SLIT2: variants seen among roughly 807,000 people sequenced by gnomAD.
SLIT2 encodes the protein slit homolog 2 protein.
SLIT2 carries 41 observed loss-of-function variants against 185.7 expected under a neutral mutation model. The observed-to-expected ratio is 0.22, with a 90% CI of 0.17 to 0.29. SLIT2 has a LOEUF of 0.29. Ranked by LOEUF, SLIT2 falls within the 10% of genes least tolerant of loss-of-function variation. SLIT2 has a pLI of 1.00. For missense variants in SLIT2, 1,571 were observed against 1,909.0 expected (o/e 0.82, Z 3.30); for synonymous variants, 693 against 680.2 (o/e 1.02, Z -0.29).
intron 4 of SLIT2, among the ~76,000 whole-genome samples, chr4:20,350,982 A>G (rs573615893): frequency 6.6e-6 from 1 of 152,242 alleles, no homozygotes; most frequent in East Asian, 1.9e-4. Context: ...GCCATTGTTC[A>G]CAGTAGATCT....
At chr4:20,483,467 A>G (rs533677914) in intron 6 of SLIT2, among the ~76,000 whole-genome samples, 1 of 152,206 alleles carries the variant, frequency 6.6e-6, no homozygotes, top group Admixed American at 6.6e-5. Flanking sequence ...TGGAAACTAA[A>G]TCTTGATCAG....
chr4:20,606,751 C>T (rs1356169083), intron 33 of SLIT2, among the ~76,000 whole-genome samples: 1 of 152,148 alleles, frequency 6.6e-6, no homozygotes, highest in Non-Finnish European at 1.5e-5. Flanking sequence ...ATGCATTCTT[C>T]AAACTCTTAT....
chr4:20,349,915 A>G (rs1025033667), intron 4 of SLIT2, among the ~76,000 whole-genome samples: 2 of 152,146 alleles, frequency 1.3e-5, no homozygotes, highest in Non-Finnish European at 2.9e-5. Flanking sequence ...CTCCACTACC[A>G]CACAACTTTA....
At chr4:20,599,118 G>T (rs553402927) in intron 33 of SLIT2, among the ~76,000 whole-genome samples, 1 of 152,154 alleles carries the variant, frequency 6.6e-6, no homozygotes, top group African/African-American at 2.4e-5. Context: ...TGGAACTTAC[G>T]CAGAATAAGC....
chr4:20,464,122 T>G (rs1440682965), intron 4 of SLIT2, among the ~76,000 whole-genome samples: 1 of 152,132 alleles, frequency 6.6e-6, no homozygotes, highest in Non-Finnish European at 1.5e-5. Context: ...CCTCATGCAC[T>G]GTCCCAGAGT....
chr4:20,541,580 A>T lies in SLIT2; in HGVS notation c.2104A>T (p.Ile702Phe). The change falls in exon 20 of 37, where the codon ATC (isoleucine) becomes TTC (phenylalanine). Residue 702 changes from isoleucine to phenylalanine, a missense_variant. Ile to Phe is a conservative substitution (Grantham distance 21). Transcript: ENST00000504154. ...ACCATACTTCCTGAAAGAAATACCC[A>T]TCCAGGATGTGGCCATTCAGGACTT... ...QKPYFLKEIP[I>F]QDVAIQDFTC... The T allele has an allele frequency of 6.2e-7, 1 of 1,613,960 alleles. No homozygotes were observed. Among genetic ancestry groups the T allele is most frequent in the Non-Finnish European group, 8.5e-7 (1 of 1,179,824 alleles).
At chr4:20,437,049 G>A (rs1729387424) in intron 4 of SLIT2, among the ~76,000 whole-genome samples, 1 of 152,160 alleles carries the variant, frequency 6.6e-6, no homozygotes, top group Non-Finnish European at 1.5e-5. Context: ...CTTAATAAAT[G>A]TAAGCATTTT....
intron 4 of SLIT2, among the ~76,000 whole-genome samples, chr4:20,377,524 C>A (rs1724126160): frequency 1.3e-5 from 2 of 152,132 alleles, no homozygotes; most frequent in Admixed American, 1.3e-4. Flanking sequence ...AAGAGCTGCT[C>A]ATACTCCATT....
intron 4 of SLIT2, among the ~76,000 whole-genome samples, chr4:20,356,989 A>G (rs555585814): frequency 6.6e-6 from 1 of 152,338 alleles, no homozygotes; most frequent in East Asian, 1.9e-4. Flanking sequence ...AAAACTTTGA[A>G]AAAAATATGT....
chr4:20,541,707 C>G, intron 20 of SLIT2, 88 bp downstream of exon 20: 1 of 1,148,212 alleles, frequency 8.7e-7, no homozygotes, highest in Non-Finnish European at 1.3e-6. Flanking sequence ...CATAGTTCAG[C>G]TCAGCAAATA....
chr4:20,518,129 A>G (rs1720391737), intron 11 of SLIT2, among the ~76,000 whole-genome samples: 1 of 142,746 alleles, frequency 7.0e-6, no homozygotes, highest in East Asian at 2.0e-4. Flanking sequence ...ATATATATAC[A>G]TATACATATA....
intron 4 of SLIT2, among the ~76,000 whole-genome samples, chr4:20,368,665 G>A (rs531355883): frequency 2.6e-5 from 4 of 152,220 alleles, no homozygotes; most frequent in African/African-American, 9.6e-5. Flanking sequence ...TGGACTCTCA[G>A]TCTAGTGGTG....
At chr4:20,552,130 T>C (rs1011497013) in intron 25 of SLIT2, among the ~76,000 whole-genome samples, 1 of 152,144 alleles carries the variant, frequency 6.6e-6, no homozygotes, top group African/African-American at 2.4e-5. Flanking sequence ...AGCTGCAATA[T>C]GAAGGAAGCT....
chr4:20,507,838 A>C (rs1395741100), intron 9 of SLIT2, among the ~76,000 whole-genome samples: 1 of 151,918 alleles, frequency 6.6e-6, no homozygotes, highest in African/African-American at 2.4e-5. Flanking sequence ...GCAAATCTTT[A>C]ATACATTGAA....
intron 4 of SLIT2, among the ~76,000 whole-genome samples, chr4:20,306,037 A>G (rs1345994639): frequency 6.6e-6 from 1 of 152,000 alleles, no homozygotes; most frequent in East Asian, 1.9e-4. Flanking sequence ...ATTGCTTCCA[A>G]TTTGGTCAAG....
intron 9 of SLIT2, among the ~76,000 whole-genome samples, chr4:20,497,600 A>G (rs1718338751): frequency 6.6e-6 from 1 of 152,234 alleles, no homozygotes; most frequent in African/African-American, 2.4e-5. Context: ...TGTAACTATT[A>G]CAATGTCATC....
rs183688421 is a variant in SLIT2, at chr4:20,406,312, A to T, written c.396-61440A>T. ...TATAAATGAAAAGATTGAGAAACTC[A>T]ACTTTATTAAAGTTTAAAAACTTAT... On this transcript the variant is annotated intron_variant, in intron 4 of 36. Transcript: ENST00000504154. Among the ~76,000 whole-genome samples the T allele has an allele frequency of 1.4e-3, 209 of 144,246 alleles. 37 individuals carry two copies. The highest frequency in any genetic ancestry group is 3.7e-3 in the Middle Eastern group (1 of 272). 94.6% of individuals were successfully genotyped at this position (144,246 alleles called of 152,430 possible).
At chr4:20,417,436 G>GTGTGTATATA (rs1553898364) in intron 4 of SLIT2, among the ~76,000 whole-genome samples, 4 of 123,676 alleles carry the variant, frequency 3.2e-5, no homozygotes, top group Middle Eastern at 5.0e-3. Context: ...ATGTGTGTGT[G>GTGTGTATATA]TATATATATA....
At chr4:20,406,501 T>C (rs887100430) in intron 4 of SLIT2, among the ~76,000 whole-genome samples, 1 of 143,758 alleles carries the variant, frequency 7.0e-6, no homozygotes, top group Non-Finnish European at 1.5e-5. Flanking sequence ...AATTATTGAA[T>C]AGGCACTCAA....
Sources: allele counts gnomAD v4.1 joint callset (sites outside exome capture counted in the v4.1 genomes callset), GRCh38; gene constraint gnomAD v4.1.1; transcripts MANE v1.5; gene names NCBI Gene and HGNC (gene_info 2026-07-23, HGNC 2026-07-21).